Variants in DBN1 observed in about 807,000 individuals in gnomAD.
DBN1 encodes the protein drebrin 1, also known as drebrin.
A neutral mutation model predicts 83.5 loss-of-function variants in DBN1; 21 were observed. The observed-to-expected ratio is 0.25, with a 90% CI of 0.18 to 0.36. The LOEUF is 0.36. Among genes scored for constraint, DBN1 ranks in the 10% least tolerant of loss-of-function variants. The pLI, the probability that DBN1 is intolerant of heterozygous loss-of-function variation, is 1.00. For missense variants in DBN1, 874 were observed against 935.7 expected (o/e 0.93, Z 0.86); for synonymous variants, 381 against 384.9 (o/e 0.99, Z 0.12).
Position 177,459,635 on chromosome 5 carries a change from TG to T in DBN1, c.1060del (p.His354ThrfsTer45). 1 of 1,570,050 alleles carries T rather than the reference TG, an allele frequency of 6.4e-7. No individual in the cohort carries two copies. Among genetic ancestry groups the T allele is most frequent in the Non-Finnish European group, 8.6e-7 (1 of 1,158,242 alleles). Reference protein sequence around the residue: ...PRTPFPYITCHRTPNLSSSLP... With the variant: ...PRTPFPYITCXRTPNLSSSLP... ...GGAGGAAGAGAGGTTTGGGGTGCGGTGGCAGGTGATATAGGGAAAGGGAGTC... is the reference window on the plus strand; with the variant it reads ...GGAGGAAGAGAGGTTTGGGGTGCGGTGCAGGTGATATAGGGAAAGGGAGTC... On this transcript the variant is annotated frameshift_variant, in exon 11 of 15. Coordinates refer to ENST00000393565, the MANE Select transcript of DBN1 (RefSeq NM_001363541.2). LOFTEE classifies it high-confidence loss of function.
intron 11 of DBN1, 125 bp downstream of exon 11, chr5:177,459,478 G>A: frequency 1.5e-6 from 2 of 1,335,396 alleles, no homozygotes. Context: ...GCAAGAGGCA[G>A]GCAGTGCCTG....
intron 11 of DBN1, 118 bp from the exon 12 acceptor site, chr5:177,459,386 C>T: frequency 2.7e-6 from 4 of 1,472,942 alleles, no homozygotes; most frequent in Non-Finnish European, 2.7e-6. Context: ...GCTGGGAGCT[C>T]TCCAGCCCCA....
At chr5:177,462,458 C>A in intron 8 of DBN1, 1 of 964,156 alleles carries the variant, frequency 1.0e-6, no homozygotes, top group Non-Finnish European at 1.2e-6. Flanking sequence ...CTCTGGGTCC[C>A]CACAGGGTGC....
intron 12 of DBN1, 28 bp downstream of exon 12, chr5:177,459,069 GC>G: frequency 1.3e-6 from 2 of 1,576,244 alleles, no homozygotes; most frequent in African/African-American, 1.4e-5. Context: ...ATGATGGGAG[GC>G]CTGGTGCAGG....
rs75258306 is a variant in DBN1, at chr5:177,470,316, T to C, written c.87-1417A>G. Among the ~76,000 whole-genome samples the C allele has an allele frequency of 3.2e-3, 492 of 152,276 alleles. 1 individual carries two copies. The highest frequency in any genetic ancestry group is 0.011 in the African/African-American group (471 of 41,544). On this transcript the variant is annotated intron_variant, in intron 1 of 14. Transcript: ENST00000393565. Reference sequence around the variant, plus strand: ...GCAGGCTCTGTCTCTCTCCATGCACTGATGAGAAACTAATGCAGAGCCCAG... The same window carrying C: ...GCAGGCTCTGTCTCTCTCCATGCACCGATGAGAAACTAATGCAGAGCCCAG...
intron 8 of DBN1, among the ~76,000 whole-genome samples, chr5:177,461,422 A>G (rs1757037852): frequency 6.6e-6 from 1 of 151,884 alleles, no homozygotes; most frequent in Non-Finnish European, 1.5e-5. Flanking sequence ...TACAGCCCCC[A>G]TGCTTCTTTC....
At chr5:177,463,659 G>A (rs954612018) in intron 8 of DBN1, among the ~76,000 whole-genome samples, 2 of 152,212 alleles carry the variant, frequency 1.3e-5, no homozygotes, top group African/African-American at 4.8e-5. Context: ...CTGCTAGAAT[G>A]TCCACTGTCA....
chr5:177,459,659 G>A lies in DBN1; in HGVS notation c.1037C>T (p.Thr346Ile). ...SSSSSSSPPR[T>I]PFPYITCHRT... is the part of the protein sequence containing the mutation. ...GTGGCAGGTGATATAGGGAAAGGGA[G>A]TCCGTGGAGGGGAGGAGGAGGAAGA... The change falls in exon 11 of 15, where the codon ACT (threonine) becomes ATT (isoleucine). Residue 346 changes from threonine (T) to isoleucine (I), a missense_variant. This residue lies in a region of DBN1 where 725 missense variants were observed against 719.7 expected (regional missense o/e 1.01). Coordinates refer to ENST00000393565, the MANE Select transcript of DBN1 (RefSeq NM_001363541.2). The A allele has an allele frequency of 1.3e-6, 2 of 1,589,818 alleles. No homozygotes were observed. The highest frequency in any genetic ancestry group is 8.6e-7 in the Non-Finnish European group (1 of 1,168,432).
rs1010590402 is a variant in DBN1, at chr5:177,458,682, T to C, written c.1290A>G (p.Leu430=). 5.2e-6 allele frequency: 8 copies of C among 1,544,932 alleles called. No homozygotes were observed. Among genetic ancestry groups the C allele is most frequent in the Non-Finnish European group, 7.0e-6 (8 of 1,150,268 alleles). The change falls in exon 13 of 15, where the codon CTA becomes CTG. Residue 430 remains leucine (L), a synonymous_variant. Coordinates refer to ENST00000393565, the MANE Select transcript of DBN1 (RefSeq NM_001363541.2). The part of the protein sequence containing the change: ...AQETQEPSPI[L]DSEETRAAAP... ...CTGCTGCTCTGGTCTCCTCACTGTC[T>C]AGGATGGGGCTGGGCTCCTGGGTCT...
rs1363366015 is a variant in DBN1, at chr5:177,458,623, G to T, written c.1349C>A (p.Pro450His). ...PQAWAGPMEE[P>H]PQAQAPPRGP... Reference sequence around the variant, plus strand: ...CCGGGGAGGCGCCTGTGCCTGAGGGGGCTCCTCCATGGGGCCGGCCCAGGC... The same window carrying T: ...CCGGGGAGGCGCCTGTGCCTGAGGGTGCTCCTCCATGGGGCCGGCCCAGGC... Residue 450 changes from proline to histidine, a missense_variant, in exon 13 of 15, where the codon CCC (proline) becomes CAC (histidine). Physicochemically the swap from Pro to His is moderately conservative, Grantham distance 77. Transcript: ENST00000393565. 2.5e-6 allele frequency: 4 copies of T among 1,609,320 alleles called. No individual in the cohort carries two copies. The African/African-American group carries it at 5.3e-5, about 22-fold the overall frequency.
At position 177,458,378 on chromosome 5, in the gene DBN1, C is replaced by A. The variant is rs1194526139; in HGVS notation, c.1594G>T (p.Ala532Ser). ...CTGGGCTCACCCTGGAGTGTGGAGG[C>A]CCCTTCCCCGTTGCCAGGCCATAGG... ...IDLWPGNGEG[A>S]STLQGEPRAP... The change falls in exon 13 of 15, where the codon GCC becomes TCC. Residue 532 changes from alanine (A) to serine (S), a missense_variant. Around this residue, in one of 4 missense-constraint regions of DBN1, gnomAD observed 725 missense variants for 719.7 expected, o/e 1.01. Coordinates refer to ENST00000393565, the MANE Select transcript of DBN1 (RefSeq NM_001363541.2). 29 of 1,613,808 alleles carry A rather than the reference C, an allele frequency of 1.8e-5. No individual in the cohort carries two copies. Among genetic ancestry groups the A allele is most frequent in the East Asian group, 2.2e-5 (1 of 44,896 alleles).
chr5:177,465,396 A>T (rs191717334), intron 8 of DBN1, among the ~76,000 whole-genome samples: 1 of 152,354 alleles, frequency 6.6e-6, no homozygotes, highest in African/African-American at 2.4e-5. Context: ...ATAGAGACAG[A>T]AAGTGGAATG....
chr5:177,461,953 G>A (rs536933908), intron 8 of DBN1, among the ~76,000 whole-genome samples: 59 of 152,306 alleles, frequency 3.9e-4, no homozygotes, highest in African/African-American at 1.3e-3. Context: ...ACTGAGATGA[G>A]GGTCCCAGTT....
At chr5:177,472,810 G>A (rs1021623145) in intron 1 of DBN1, 28 of 986,332 alleles carry the variant, frequency 2.8e-5, no homozygotes, top group Non-Finnish European at 3.4e-5. Context: ...CGGTAAGGGA[G>A]TCACTTCGCG....
chr5:177,468,505 A>C (rs923252418), intron 2 of DBN1: 9 of 494,934 alleles, frequency 1.8e-5, no homozygotes, highest in Non-Finnish European at 3.2e-5. Flanking sequence ...ATCATGTCTC[A>C]CCAGGTGCCA....
chr5:177,461,129 C>G (rs1185737778), intron 8 of DBN1, among the ~76,000 whole-genome samples: 15 of 115,180 alleles, frequency 1.3e-4, no homozygotes, highest in Admixed American at 6.6e-4. Context: ...GACGGAGTCT[C>G]GCTCTGTCGC....
chr5:177,468,265 C>T (rs1757610204), intron 2 of DBN1, 45 bp from the exon 3 acceptor site: 2 of 1,559,006 alleles, frequency 1.3e-6, no homozygotes, highest in African/African-American at 2.7e-5. Context: ...CTCCTAAACC[C>T]TTCCCAAAAA....
intron 11 of DBN1, 141 bp from the exon 12 acceptor site, chr5:177,459,409 C>A: frequency 7.0e-7 from 1 of 1,430,226 alleles, no homozygotes; most frequent in Non-Finnish European, 9.2e-7. Context: ...AGGGGCCAGA[C>A]TACAGCTCCA....
chr5:177,462,180 C>G (rs1334575468), intron 8 of DBN1: 4 of 973,412 alleles, frequency 4.1e-6, no homozygotes, highest in Non-Finnish European at 4.9e-6. Flanking sequence ...ACCTAGCCGT[C>G]ACCTCTCCAA....
Sources: gnomAD v4.1 joint callset for allele counts (sites outside exome capture counted in the v4.1 genomes callset) on GRCh38, gnomAD v4.1.1 for gene constraint, gnomAD v4.1.1 regional missense constraint, MANE v1.5 for transcripts, NCBI Gene and HGNC (gene_info 2026-07-23, HGNC 2026-07-21) for gene names.